Variants in NRXN3 observed in about 807,000 individuals in gnomAD.
NRXN3 encodes neurexin III.
In NRXN3, 32 loss-of-function variants were observed where a neutral mutation model predicts 137.6. The ratio of observed to expected loss-of-function variants is 0.23; its 90% CI spans 0.18 to 0.31. The LOEUF (loss-of-function observed/expected upper bound fraction) is 0.31, where lower values mean the gene tolerates loss of function less well. NRXN3 is among the 10% of genes least tolerant of loss of function. The pLI is 1.00. For missense variants in NRXN3, 1,574 were observed against 2,062.5 expected (o/e 0.76, Z 4.59); for synonymous variants, 798 against 784.5 (o/e 1.02, Z -0.29).
At chr14:79,045,774 C>G (rs1199512144) in intron 15 of NRXN3, among the ~76,000 whole-genome samples, 3 of 152,126 alleles carry the variant, frequency 2.0e-5, no homozygotes, top group African/African-American at 7.2e-5. Flanking sequence ...CTCCAGTTGC[C>G]GCTTGGTGTG....
At chr14:79,036,264 T>A (rs1415284215) in intron 15 of NRXN3, among the ~76,000 whole-genome samples, 1 of 152,088 alleles carries the variant, frequency 6.6e-6, no homozygotes, top group Non-Finnish European at 1.5e-5. Context: ...CGTCTTCCTC[T>A]TTTAAAGTAA....
chr14:78,389,208 A>G (rs528011468), intron 4 of NRXN3, among the ~76,000 whole-genome samples: 79 of 151,992 alleles, frequency 5.2e-4, no homozygotes, highest in Non-Finnish European at 5.6e-4. Flanking sequence ...GGCACCCACC[A>G]CCATGCCTGG....
intron 15 of NRXN3, among the ~76,000 whole-genome samples, chr14:79,314,725 G>A (rs549756610): frequency 0.013 from 1,844 of 146,066 alleles, 33 homozygotes; most frequent in Non-Finnish European, 0.019. Context: ...TCTGAGGACG[G>A]GCAGACTGCC....
intron 16 of NRXN3, among the ~76,000 whole-genome samples, chr14:79,488,733 G>A (rs901638303): frequency 6.6e-6 from 1 of 152,062 alleles, no homozygotes; most frequent in Non-Finnish European, 1.5e-5. Flanking sequence ...TCATATCTAG[G>A]TGTCTTAAAC....
At chr14:78,724,260 C>G (rs952673399) in intron 8 of NRXN3, among the ~76,000 whole-genome samples, 2 of 152,202 alleles carry the variant, frequency 1.3e-5, no homozygotes, top group African/African-American at 4.8e-5. Flanking sequence ...TAGTTTTCCT[C>G]TAGCTTCTGA....
chr14:78,437,996 A>C (rs1256414036), intron 4 of NRXN3, among the ~76,000 whole-genome samples: 1 of 152,142 alleles, frequency 6.6e-6, no homozygotes, highest in Non-Finnish European at 1.5e-5. Flanking sequence ...GGACTTGATA[A>C]AGAACGTCCT....
intron 19 of NRXN3, among the ~76,000 whole-genome samples, chr14:79,799,537 C>T (rs780065652): frequency 1.3e-5 from 2 of 152,284 alleles, no homozygotes; most frequent in East Asian, 3.9e-4. Flanking sequence ...AACAACATAG[C>T]TCAAGTAGTG....
rs117205270 is a variant in NRXN3, at chr14:78,953,169, A to C, written c.2276-4073A>C. ...TCACCTTATGAAGGTGTGTGCCTTT[A>C]ATAATGCTCAAATATAGATTTTTAA... On this transcript the variant is annotated intron_variant, in intron 10 of 20. Transcript: ENST00000335750. Among the ~76,000 whole-genome samples the C allele has an allele frequency of 3.2e-4, 49 of 152,348 alleles. No homozygotes were observed. In the East Asian group the frequency reaches 9.4e-3, roughly 29 times the overall value.
intron 20 of NRXN3, among the ~76,000 whole-genome samples, chr14:79,825,737 T>C (rs1269714655): frequency 1.3e-5 from 2 of 152,206 alleles, no homozygotes; most frequent in Non-Finnish European, 2.9e-5. Flanking sequence ...TCCATCCTGC[T>C]GGTGCTGGAA....
intron 15 of NRXN3, among the ~76,000 whole-genome samples, chr14:79,413,538 C>A (rs1230644522): frequency 6.6e-6 from 1 of 151,942 alleles, no homozygotes; most frequent in African/African-American, 2.4e-5. Flanking sequence ...GACCCAGAGC[C>A]CCCTAAAACT....
chr14:79,262,987 T>C (rs1363517758), intron 15 of NRXN3, among the ~76,000 whole-genome samples: 2 of 152,200 alleles, frequency 1.3e-5, no homozygotes, highest in Non-Finnish European at 2.9e-5. Context: ...ACTTAAAGTA[T>C]GGGTGTGTGC....
chr14:78,635,463 TAA>T (rs1463883756), intron 4 of NRXN3, among the ~76,000 whole-genome samples: 1 of 152,196 alleles, frequency 6.6e-6, no homozygotes, highest in African/African-American at 2.4e-5. Flanking sequence ...CTACTGTATA[TAA>T]AAAACATTTC....
chr14:78,765,660 T>G (rs1235244046), intron 8 of NRXN3, among the ~76,000 whole-genome samples: 2 of 152,198 alleles, frequency 1.3e-5, no homozygotes, highest in Admixed American at 1.3e-4. Flanking sequence ...ATTGCTACTC[T>G]CTAGTAGAGT....
At chr14:79,007,805 C>CAAAA (rs1160867331) in intron 15 of NRXN3, among the ~76,000 whole-genome samples, 19 of 37,938 alleles carry the variant, frequency 5.0e-4, no homozygotes, top group African/African-American at 1.1e-3. Flanking sequence ...GACTCCATCT[C>CAAAA]AAAAAAAAAA....
intron 4 of NRXN3, among the ~76,000 whole-genome samples, chr14:78,394,212 A>G (rs1015518854): frequency 2.0e-5 from 3 of 151,958 alleles, no homozygotes; most frequent in Non-Finnish European, 4.4e-5. Flanking sequence ...CACCATGGTT[A>G]GCTATTGGTT....
chr14:78,410,751 T>A (rs922973700), intron 4 of NRXN3, among the ~76,000 whole-genome samples: 1 of 152,186 alleles, frequency 6.6e-6, no homozygotes, highest in Non-Finnish European at 1.5e-5. Context: ...CTGAGGATGA[T>A]GAAGAAAAGA....
At chr14:79,600,565 A>G (rs1567623373) in intron 16 of NRXN3, among the ~76,000 whole-genome samples, 1 of 152,230 alleles carries the variant, frequency 6.6e-6, no homozygotes, top group Admixed American at 6.5e-5. Flanking sequence ...AGGAAGTAGC[A>G]TAAGGTGATT....
At chr14:79,605,490 C>T (rs1270060175) in intron 16 of NRXN3, among the ~76,000 whole-genome samples, 7 of 151,698 alleles carry the variant, frequency 4.6e-5, no homozygotes, top group African/African-American at 1.7e-4. Flanking sequence ...AGATACTGCA[C>T]TTTTTTTTCT....
At chr14:78,800,123 A>G (rs1041745651) in intron 8 of NRXN3, among the ~76,000 whole-genome samples, 1 of 152,194 alleles carries the variant, frequency 6.6e-6, no homozygotes, top group Non-Finnish European at 1.5e-5. Flanking sequence ...AACTTCCATC[A>G]TGAAGCATTA....
Sources: gnomAD v4.1 joint callset for allele counts (sites outside exome capture counted in the v4.1 genomes callset) on GRCh38, gnomAD v4.1.1 for gene constraint, MANE v1.5 for transcripts, NCBI Gene and HGNC (gene_info 2026-07-23, HGNC 2026-07-21) for gene names.